ZNF66: variants seen among roughly 807,000 people sequenced by gnomAD.
ZNF66 encodes putative zinc finger protein 66.
A neutral mutation model predicts 35.2 loss-of-function variants in ZNF66; 32 were observed. The ratio of observed to expected loss-of-function variants is 0.91; its 90% confidence interval spans 0.69 to 1.22. The LOEUF (loss-of-function observed/expected upper bound fraction) is 1.22. Among genes scored for constraint, ZNF66 ranks in the 50% most tolerant of loss-of-function variants. The pLI, the probability that ZNF66 is intolerant of heterozygous loss-of-function variation, is 0.00. For synonymous variants in ZNF66, 231 were observed against 181.3 expected, an observed-to-expected ratio of 1.27 and a Z score of -2.20; for missense variants, 666 against 543.1, an observed-to-expected ratio of 1.23 and a Z score of -2.25.
In ZNF66 at chr19:20,808,101, C is replaced by A. The variant is rs559228301; in HGVS notation, c.*779C>A. ...AGGGTCCTATGCCCATGGAGTCTCA[C>A]TGATTGCTAGCACAGCAGTCTGAGA... On this transcript the variant is annotated 3_prime_UTR_variant, in exon 4 of 4. Coordinates refer to ENST00000344519, the MANE Select transcript of ZNF66 (RefSeq NM_001355197.2). Among the ~76,000 whole-genome samples, 58 of 115,404 alleles carry A rather than the reference C, an allele frequency of 5.0e-4. No individual in the cohort carries two copies. The highest frequency in any genetic ancestry group is 1.7e-3 in the African/African-American group (45 of 26,538). 75.7% of individuals were successfully genotyped at this position (115,404 alleles called of 152,430 possible).
At chr19:20,798,868 G>A (rs1971419713) in intron 3 of ZNF66, 1 of 152,030 alleles carries the variant, frequency 6.6e-6, no homozygotes, top group Non-Finnish European at 1.5e-5. Context: ...TTTTAAAGTG[G>A]AATAATATTC....
chr19:20,776,557 G>T, intron 1 of ZNF66, 107 bp downstream of exon 1: 1 of 1,380,726 alleles, frequency 7.2e-7, no homozygotes, highest in Non-Finnish European at 1.0e-6. Flanking sequence ...TCCTTACCCA[G>T]CTCTGCCTCA....
chr19:20,806,923 T>G lies in ZNF66; in HGVS notation c.1323T>G (p.Thr441=), dbSNP rs760480194. Residue 441 remains threonine, a synonymous_variant, in exon 4 of 4, where the codon ACT becomes ACG. Transcript: ENST00000344519. ...GKAFSRSSIL[T]THKIIHTGEK... ...CCTTCAGTCGGTCCTCTATTCTTAC[T>G]ACACATAAGATAATTCACACTGGAG... 1 of 1,210,232 alleles carries G rather than the reference T, an allele frequency of 8.3e-7. No homozygotes were observed. The highest frequency in any genetic ancestry group is 1.2e-5 in the South Asian group (1 of 82,474). 75.0% of individuals were successfully genotyped at this position (1,210,232 alleles called of 1,614,324 possible). A position where few individuals can be genotyped will look rare whatever the true frequency, so the allele number is the denominator to read the frequency against.
At position 20,806,040 on chromosome 19, in the gene ZNF66, G is replaced by A. The variant is rs771988902; in HGVS notation, c.440G>A (p.Cys147Tyr). The A allele has an allele frequency of 1.2e-6, 1 of 834,466 alleles. No homozygotes were observed. Among genetic ancestry groups the A allele is most frequent in the South Asian group, 1.4e-5 (1 of 69,196 alleles). The allele number at this position is 834,466 out of a possible 1,614,324, so 51.7% of individuals were successfully genotyped here. A position where few individuals can be genotyped will look rare whatever the true frequency, so the allele number is the denominator to read the frequency against. ...LTTTQSKMFQCDKHGKVFHQF... is the reference protein window; with the variant it reads ...LTTTQSKMFQYDKHGKVFHQF... ...ACTACCCAAAGCAAAATGTTTCAATGTGATAAACATGGGAAAGTCTTTCAT... is the reference window on the plus strand; with the variant it reads ...ACTACCCAAAGCAAAATGTTTCAATATGATAAACATGGGAAAGTCTTTCAT... The change falls in exon 4 of 4, where the codon TGT (cysteine) becomes TAT (tyrosine). Residue 147 changes from cysteine (C) to tyrosine (Y), a missense_variant. Transcript: ENST00000344519.
At chr19:20,799,460 A>T (rs1268610577) in intron 3 of ZNF66, 5 of 142,108 alleles carry the variant, frequency 3.5e-5, no homozygotes, top group Non-Finnish European at 6.3e-5. Context: ...ATCAACATGG[A>T]TTTTATTTTT....
At chr19:20,783,892 T>C (rs1349850250) in intron 1 of ZNF66, among the ~76,000 whole-genome samples, 1 of 152,210 alleles carries the variant, frequency 6.6e-6, no homozygotes, top group Non-Finnish European at 1.5e-5. Context: ...ACTCTCACTC[T>C]GTTTCCCAGG....
At chr19:20,783,811 A>G (rs6511161) in intron 1 of ZNF66, among the ~76,000 whole-genome samples, 58,331 of 152,084 alleles carry the variant, frequency 0.38, 11,743 homozygotes, top group East Asian at 0.46. Flanking sequence ...CAATTAGCAT[A>G]GTTATGTTTA....
At chr19:20,784,485 G>A (rs1229513334) in intron 1 of ZNF66, 1 of 152,138 alleles carries the variant, frequency 6.6e-6, no homozygotes, top group Non-Finnish European at 1.5e-5. Flanking sequence ...TTACAGGACA[G>A]ATAAAGACAG....
intron 3 of ZNF66, among the ~76,000 whole-genome samples, chr19:20,798,063 A>G (rs759848363): frequency 3.3e-5 from 5 of 151,992 alleles, no homozygotes; most frequent in Non-Finnish European, 5.9e-5. Flanking sequence ...GGCTTATCTT[A>G]TACTCTTTCT....
intron 1 of ZNF66, among the ~76,000 whole-genome samples, chr19:20,780,145 T>A (rs533784518): frequency 1.3e-5 from 2 of 152,146 alleles, no homozygotes; most frequent in Admixed American, 1.3e-4. Flanking sequence ...GTTTTTTTAA[T>A]GAGAAAAAGG....
At chr19:20,790,505 A>C (rs1207468998) in intron 1 of ZNF66, among the ~76,000 whole-genome samples, 2 of 152,064 alleles carry the variant, frequency 1.3e-5, no homozygotes, top group Admixed American at 6.6e-5. Flanking sequence ...AGGGGAGGGC[A>C]CCTGAGGACA....
chr19:20,788,165 C>T (rs1332605164), intron 1 of ZNF66, among the ~76,000 whole-genome samples: 1 of 152,084 alleles, frequency 6.6e-6, no homozygotes, highest in East Asian at 1.9e-4. Context: ...AGGAGGAGAT[C>T]TGGAGACTCA....
intron 1 of ZNF66, among the ~76,000 whole-genome samples, chr19:20,778,230 G>C (rs1971213485): frequency 6.6e-6 from 1 of 152,076 alleles, no homozygotes; most frequent in Non-Finnish European, 1.5e-5. Context: ...CTCCCAAGTA[G>C]CTGGGATTAC....
chr19:20,805,673 T>G (rs380872), intron 3 of ZNF66, among the ~76,000 whole-genome samples, 154 bp from the exon 4 acceptor site: 14,170 of 152,252 alleles, frequency 0.093, 671 homozygotes, highest in Middle Eastern at 0.11. Context: ...GTATGTTTTT[T>G]TTACATTTAT....
At chr19:20,786,163 G>C (rs929795761) in intron 1 of ZNF66, among the ~76,000 whole-genome samples, 12 of 152,118 alleles carry the variant, frequency 7.9e-5, no homozygotes, top group African/African-American at 2.7e-4. Flanking sequence ...CTCTAGAGGG[G>C]ACTTTCCCTC....
At position 20,806,027 on chromosome 19, in the gene ZNF66, A is replaced by G. The variant is rs1286880415; in HGVS notation, c.427A>G (p.Lys143Glu). Residue 143 changes from lysine (K) to glutamate (E), a missense_variant, in exon 4 of 4, where the codon AAA (lysine) becomes GAA (glutamate). Lys to Glu is a moderately conservative substitution (Grantham distance 56). Transcript: ENST00000344519. ...CCAATGTTTGACAACTACCCAAAGCAAAATGTTTCAATGTGATAAACATGG... is the reference window on the plus strand; with the variant it reads ...CCAATGTTTGACAACTACCCAAAGCGAAATGTTTCAATGTGATAAACATGG... Reference protein sequence around the residue: ...LNQCLTTTQSKMFQCDKHGKV... With the variant: ...LNQCLTTTQSEMFQCDKHGKV... The G allele has an allele frequency of 9.6e-6, 8 of 829,116 alleles. No homozygotes were observed. The highest frequency in any genetic ancestry group is 1.7e-5 in the Non-Finnish European group (8 of 481,722). 51.4% of individuals were successfully genotyped at this position (829,116 alleles called of 1,614,324 possible).
chr19:20,802,075 G>A (rs401060), intron 3 of ZNF66, among the ~76,000 whole-genome samples: 13,844 of 151,470 alleles, frequency 0.091, 657 homozygotes, highest in Middle Eastern at 0.11. Flanking sequence ...CTGTTTTATT[G>A]GTTTACTTTT....
intron 1 of ZNF66, among the ~76,000 whole-genome samples, chr19:20,789,882 C>T (rs1971320439): frequency 6.6e-6 from 1 of 152,180 alleles, no homozygotes; most frequent in African/African-American, 2.4e-5. Flanking sequence ...TACATGTGTA[C>T]ATGTTGTTTT....
chr19:20,783,862 T>A (rs1971265202), intron 1 of ZNF66, among the ~76,000 whole-genome samples: 1 of 152,198 alleles, frequency 6.6e-6, no homozygotes, highest in African/African-American at 2.4e-5. Context: ...TTAAACAGTG[T>A]TTCCTCTTTT....
Sources: allele counts gnomAD v4.1 joint callset (sites outside exome capture counted in the v4.1 genomes callset), GRCh38; gene constraint gnomAD v4.1.1; transcripts MANE v1.5; gene names NCBI Gene and HGNC (gene_info 2026-07-23, HGNC 2026-07-21).